C1orf21: variants seen among roughly 807,000 people sequenced by gnomAD.
The protein encoded by C1orf21 is uncharacterized protein C1orf21.
A neutral mutation model predicts 18.7 loss-of-function variants in C1orf21; 3 were observed. The observed-to-expected ratio is 0.16, with a 90% CI of 0.07 to 0.42. C1orf21 has a LOEUF of 0.42. Among genes scored for constraint, C1orf21 ranks in the 10% least tolerant of loss-of-function variants. The pLI, the probability that C1orf21 is intolerant of heterozygous loss-of-function variation, is 0.99. For missense variants in C1orf21, 104 were observed against 143.6 expected, an observed-to-expected ratio of 0.72 and a Z score of 1.41; for synonymous variants, 41 against 46.4, an observed-to-expected ratio of 0.88 and a Z score of 0.47.
intron 2 of C1orf21, among the ~76,000 whole-genome samples, chr1:184,505,627 G>A (rs997614506): frequency 2.0e-5 from 3 of 151,766 alleles, no homozygotes; most frequent in South Asian, 2.1e-4. Flanking sequence ...GCCAGGCATG[G>A]TAGCAGGCGC....
At chr1:184,485,351 C>G (rs1657718148) in intron 2 of C1orf21, among the ~76,000 whole-genome samples, 1 of 152,002 alleles carries the variant, frequency 6.6e-6, no homozygotes, top group African/African-American at 2.4e-5. Flanking sequence ...TTAGATCTAT[C>G]AGGTTAAATA....
chr1:184,590,744 A>G lies in C1orf21; in HGVS notation c.195A>G (p.Lys65=), dbSNP rs753953314. The change falls in exon 4 of 6, where the codon AAA becomes AAG. Residue 65 remains lysine, a synonymous_variant. Coordinates refer to ENST00000235307, the MANE Select transcript of C1orf21 (RefSeq NM_030806.4). The part of the protein sequence containing the change: ...IAARNQENLE[K]SASSNVRLKT... Reference sequence around the variant, plus strand: ...TCTGTGTTTATGTGTTTCAGGAAAAAAGTGCCAGCTCAAATGTAAGACTTA... The same window carrying G: ...TCTGTGTTTATGTGTTTCAGGAAAAGAGTGCCAGCTCAAATGTAAGACTTA... 1.6e-5 allele frequency: 26 copies of G among 1,613,760 alleles called. 1 individual carries two copies. In the Admixed American group the frequency reaches 4.2e-4, roughly 26 times the overall value.
intron 1 of C1orf21, among the ~76,000 whole-genome samples, chr1:184,451,462 ATT>A (rs374550435): frequency 1.0e-4 from 8 of 77,790 alleles, no homozygotes; most frequent in African/African-American, 2.0e-4. Context: ...GGCTAATTTA[ATT>A]TTTTTTTTTT....
intron 1 of C1orf21, among the ~76,000 whole-genome samples, chr1:184,407,270 C>A (rs955870011): frequency 6.6e-6 from 1 of 152,196 alleles, no homozygotes; most frequent in African/African-American, 2.4e-5. Flanking sequence ...CCACCACACC[C>A]CATACCTCCC....
In C1orf21 at chr1:184,394,396, C is replaced by T. The variant is rs149334824; in HGVS notation, c.-125+7028C>T. Among the ~76,000 whole-genome samples, 197 of 152,214 alleles carry T rather than the reference C, an allele frequency of 1.3e-3. 2 individuals are homozygous for T. The highest frequency in any genetic ancestry group is 4.5e-3 in the African/African-American group (189 of 41,540). ...CCCACCTGAACTGGGTGAGGAAAGG[C>T]GATTGAGAAGTTGATTGTTTTCACT... On this transcript the variant is annotated intron_variant, in intron 1 of 5. Coordinates refer to ENST00000235307, the MANE Select transcript of C1orf21 (RefSeq NM_030806.4).
intron 4 of C1orf21, among the ~76,000 whole-genome samples, chr1:184,595,383 A>G (rs1659498634): frequency 6.6e-6 from 1 of 152,180 alleles, no homozygotes; most frequent in South Asian, 2.1e-4. Flanking sequence ...TGCATCAGAA[A>G]GGATTTTAGA....
At chr1:184,440,714 G>A (rs905687315) in intron 1 of C1orf21, among the ~76,000 whole-genome samples, 1 of 152,178 alleles carries the variant, frequency 6.6e-6, no homozygotes, top group African/African-American at 2.4e-5. Context: ...CAGGACAGAG[G>A]AGAGAGGGAA....
intron 3 of C1orf21, among the ~76,000 whole-genome samples, chr1:184,577,203 C>T (rs972470324): frequency 6.7e-6 from 1 of 149,908 alleles, no homozygotes; most frequent in African/African-American, 2.5e-5. Flanking sequence ...CACAAGGATT[C>T]GTACAAGAGG....
chr1:184,555,873 T>C (rs1977144), intron 3 of C1orf21, among the ~76,000 whole-genome samples: 1,993 of 152,292 alleles, frequency 0.013, 44 homozygotes, highest in African/African-American at 0.046. Context: ...TCTGCGAGGA[T>C]CCGCCCACTG....
chr1:184,614,574 G>A (rs1659789442), intron 5 of C1orf21, among the ~76,000 whole-genome samples: 1 of 121,082 alleles, frequency 8.3e-6, no homozygotes, highest in African/African-American at 3.1e-5. Context: ...TGGATGGGGA[G>A]TTGGGTGGGG....
In C1orf21 at chr1:184,625,159, G is replaced by T. The variant is rs575355399; in HGVS notation, c.*5603G>T. On this transcript the variant is annotated 3_prime_UTR_variant, in exon 6 of 6. Transcript: ENST00000235307. ...TGTCTGCCCTCTCTACCCTGATTTC[G>T]CCCTTCTTTGCTTCCATTTTTAGCC... 1.3e-5 allele frequency: 2 copies of T among 152,134 alleles called. No homozygotes were observed. The highest frequency in any genetic ancestry group is 4.8e-5 in the African/African-American group (2 of 41,412). 9.4% of individuals were successfully genotyped at this position (152,134 alleles called of 1,614,324 possible).
chr1:184,498,877 C>T (rs546063748), intron 2 of C1orf21, among the ~76,000 whole-genome samples: 1 of 152,348 alleles, frequency 6.6e-6, no homozygotes, highest in South Asian at 2.1e-4. Flanking sequence ...GGCTCTGAAT[C>T]AGACCACTGG....
intron 1 of C1orf21, among the ~76,000 whole-genome samples, chr1:184,474,720 C>T (rs1367613891): frequency 2.6e-5 from 4 of 152,184 alleles, no homozygotes; most frequent in African/African-American, 9.6e-5. Context: ...ATTGCCCCCT[C>T]TCTCCTGTTT....
chr1:184,621,358 A>AT lies in C1orf21; in HGVS notation c.*1806dup, dbSNP rs1659913718. On this transcript the variant is annotated 3_prime_UTR_variant, in exon 6 of 6. Transcript: ENST00000235307. The stretch of plus-strand genomic sequence containing the variant: ...TTACATAAATAGAGATGCAGCCAAA[A>AT]TTTTAGGCCTTTTATCCTGCTTCTA... The AT allele has an allele frequency of 6.6e-6, 1 of 152,642 alleles. No individual in the cohort carries two copies. Among genetic ancestry groups the AT allele is most frequent in the African/African-American group, 2.4e-5 (1 of 41,462 alleles). 9.5% of individuals were successfully genotyped at this position (152,642 alleles called of 1,614,324 possible). A position where few individuals can be genotyped will look rare whatever the true frequency, so the allele number is the denominator to read the frequency against.
At chr1:184,591,408 A>G (rs1659433975) in intron 4 of C1orf21, among the ~76,000 whole-genome samples, 1 of 152,264 alleles carries the variant, frequency 6.6e-6, no homozygotes, top group Admixed American at 6.5e-5. Flanking sequence ...AGAATTTTGC[A>G]TATAAGACAC....
intron 3 of C1orf21, among the ~76,000 whole-genome samples, chr1:184,510,929 G>A (rs1658134093): frequency 6.6e-6 from 1 of 152,272 alleles, no homozygotes; most frequent in Middle Eastern, 3.4e-3. Context: ...CAAGGTGTTG[G>A]CAGGGAGAGT....
At chr1:184,466,494 A>G (rs1485247773) in intron 1 of C1orf21, among the ~76,000 whole-genome samples, 1 of 152,226 alleles carries the variant, frequency 6.6e-6, no homozygotes, top group Non-Finnish European at 1.5e-5. Flanking sequence ...GCCAAGTGCT[A>G]CAAAATCAAT....
intron 3 of C1orf21, among the ~76,000 whole-genome samples, chr1:184,511,802 T>C (rs1174293701): frequency 6.6e-6 from 1 of 151,572 alleles, no homozygotes; most frequent in African/African-American, 2.4e-5. Context: ...GTTCACATGG[T>C]GGCAGGAGAG....
chr1:184,442,051 T>C (rs1222638172), intron 1 of C1orf21, among the ~76,000 whole-genome samples: 1 of 152,220 alleles, frequency 6.6e-6, no homozygotes, highest in Non-Finnish European at 1.5e-5. Context: ...TCGATTCAAA[T>C]CCTGACTTTT....
Sources: gnomAD v4.1 joint callset for allele counts (sites outside exome capture counted in the v4.1 genomes callset) on GRCh38, gnomAD v4.1.1 for gene constraint, MANE v1.5 for transcripts, NCBI Gene and HGNC (gene_info 2026-07-23, HGNC 2026-07-21) for gene names.